The following MANBA variants were observed in gnomAD, a reference collection of about 807,000 sequenced individuals.
MANBA encodes the protein mannosidase beta.
Under a neutral mutation model 111.1 loss-of-function variants are expected in MANBA, and 83 were observed. The ratio of observed to expected loss-of-function variants is 0.75; its 90% CI spans 0.63 to 0.90. The LOEUF is 0.90. Ranked by LOEUF, MANBA falls within the 40% of genes least tolerant of loss-of-function variation. The pLI, the probability that MANBA is intolerant of heterozygous loss-of-function variation, is 0.00. For synonymous variants in MANBA, 370 were observed against 378.7 expected (o/e 0.98, Z 0.27); for missense variants, 1,036 against 1,069.0 (o/e 0.97, Z 0.43).
At chr4:102,635,125 G>A in intron 15 of MANBA, 80 bp from the exon 16 acceptor site, 1 of 1,508,004 alleles carries the variant, frequency 6.6e-7, no homozygotes, top group Non-Finnish European at 9.2e-7. Flanking sequence ...AATAATTGCT[G>A]AAAGTCAGGT....
rs76132779 is a variant in MANBA, at chr4:102,749,610, T to C, written c.177+11108A>G. Reference sequence around the variant, plus strand: ...GCAGCGTGCAATGGTGAAAAGAACATCGGGGTTTGAATCCTTGCTCCACCA... The same window carrying C: ...GCAGCGTGCAATGGTGAAAAGAACACCGGGGTTTGAATCCTTGCTCCACCA... On this transcript the variant is annotated intron_variant, in intron 1 of 16. Coordinates refer to ENST00000647097, the MANE Select transcript of MANBA (RefSeq NM_005908.4). 2.9e-3 allele frequency among the ~76,000 whole-genome samples: 436 copies of C among 152,314 alleles called. 1 individual carries two copies. Among genetic ancestry groups the C allele is most frequent in the Non-Finnish European group, 5.1e-3 (348 of 68,024 alleles).
intron 5 of MANBA, among the ~76,000 whole-genome samples, chr4:102,713,523 CTG>C (rs1410462630): frequency 6.6e-6 from 1 of 152,230 alleles, no homozygotes; most frequent in Non-Finnish European, 1.5e-5. Context: ...CCACTGACAT[CTG>C]TGAGATTTCT....
intron 5 of MANBA, among the ~76,000 whole-genome samples, chr4:102,692,663 A>G (rs1307367061): frequency 6.6e-6 from 1 of 152,114 alleles, no homozygotes; most frequent in African/African-American, 2.4e-5. Flanking sequence ...GCTGCCACAG[A>G]AAGAAAGGAG....
intron 5 of MANBA, among the ~76,000 whole-genome samples, chr4:102,712,923 T>C (rs544917663): frequency 6.6e-6 from 1 of 152,296 alleles, no homozygotes; most frequent in African/African-American, 2.4e-5. Context: ...TTATTTGATT[T>C]TAGTAGCGAA....
At chr4:102,748,194 G>A (rs1578958818) in intron 1 of MANBA, among the ~76,000 whole-genome samples, 1 of 152,134 alleles carries the variant, frequency 6.6e-6, no homozygotes, top group African/African-American at 2.4e-5. Flanking sequence ...TCTTTGTGAA[G>A]CTCAAAAAAC....
intron 11 of MANBA, among the ~76,000 whole-genome samples, chr4:102,662,307 C>T (rs1376851015): frequency 1.3e-5 from 2 of 151,830 alleles, no homozygotes; most frequent in Non-Finnish European, 2.9e-5. Context: ...TTTCGGAGGC[C>T]GAGGTGGGTG....
intron 5 of MANBA, among the ~76,000 whole-genome samples, chr4:102,712,146 T>C (rs1442283451): frequency 6.6e-6 from 1 of 152,216 alleles, no homozygotes; most frequent in African/African-American, 2.4e-5. Context: ...CATTACACAT[T>C]CTATGCATGT....
At chr4:102,634,436 T>C (rs1229266519) in intron 16 of MANBA, among the ~76,000 whole-genome samples, 1 of 152,102 alleles carries the variant, frequency 6.6e-6, no homozygotes, top group African/African-American at 2.4e-5. Flanking sequence ...GGAGCTGTGG[T>C]GAAAGTCAGA....
chr4:102,729,435 C>A, intron 1 of MANBA: 1 of 1,251,126 alleles, frequency 8.0e-7, no homozygotes. Flanking sequence ...TGTCCATGGG[C>A]AGCACCACAG....
chr4:102,752,157 T>C (rs1310628227), intron 1 of MANBA: 10 of 779,814 alleles, frequency 1.3e-5, no homozygotes, highest in Non-Finnish European at 1.9e-5. Flanking sequence ...AAGGAAGCAA[T>C]TTCCTCAGTT....
intron 1 of MANBA, among the ~76,000 whole-genome samples, chr4:102,733,289 G>A (rs973539351): frequency 6.6e-6 from 1 of 151,838 alleles, no homozygotes; most frequent in Non-Finnish European, 1.5e-5. Flanking sequence ...TCCACAAACA[G>A]GGCAGTTTTT....
intron 7 of MANBA, among the ~76,000 whole-genome samples, chr4:102,682,222 A>C (rs1732018702): frequency 6.6e-6 from 1 of 152,152 alleles, no homozygotes; most frequent in Non-Finnish European, 1.5e-5. Flanking sequence ...CTGGTAATAA[A>C]AATGTGCCAA....
rs540304058 is a variant in MANBA at position 102,754,785 on chromosome 4, C to T, written c.177+5933G>A. ...ATTAGCCAGGATGGTCTCGATCTCC[C>T]GACCTCGTGATCTGCCGCCTTGGCC... On this transcript the variant is annotated intron_variant, in intron 1 of 16. Coordinates refer to ENST00000647097, the MANE Select transcript of MANBA (RefSeq NM_005908.4). 8.5e-5 allele frequency among the ~76,000 whole-genome samples: 13 copies of T among 152,056 alleles called. 1 individual carries two copies. The highest frequency in any genetic ancestry group is 4.6e-4 in the Admixed American group (7 of 15,260).
intron 10 of MANBA, 105 bp downstream of exon 10, chr4:102,668,858 T>A (rs777455740): frequency 2.3e-5 from 20 of 878,396 alleles, no homozygotes; most frequent in Non-Finnish European, 3.3e-5. Flanking sequence ...TAATTTTTCA[T>A]GGGATTTAGT....
At chr4:102,717,871 C>T (rs1356104584) in intron 4 of MANBA, among the ~76,000 whole-genome samples, 1 of 152,174 alleles carries the variant, frequency 6.6e-6, no homozygotes, top group Non-Finnish European at 1.5e-5. Context: ...CAATGAGAAG[C>T]TGTTGAAGAG....
At chr4:102,706,624 A>C (rs1440370535) in intron 5 of MANBA, among the ~76,000 whole-genome samples, 1 of 152,200 alleles carries the variant, frequency 6.6e-6, no homozygotes, top group African/African-American at 2.4e-5. Context: ...AATGTATGAA[A>C]TCCCATATAA....
Position 102,647,565 on chromosome 4 carries a change from C to T in MANBA, c.1869+2972G>A, listed in dbSNP as rs532913375. ...CAATAGCAGAAAAGTCTCTTATACA[C>T]ACACACACACAAATAATAATCAGCC... On this transcript the variant is annotated intron_variant, in intron 13 of 16. Coordinates refer to ENST00000647097, the MANE Select transcript of MANBA (RefSeq NM_005908.4). Among the ~76,000 whole-genome samples, 10 of 152,078 alleles carry T rather than the reference C, an allele frequency of 6.6e-5. No homozygotes were observed. In the South Asian group the frequency reaches 2.1e-3, roughly 32 times the overall value.
chr4:102,660,574 G>C (rs1730889735), intron 11 of MANBA, among the ~76,000 whole-genome samples: 1 of 151,712 alleles, frequency 6.6e-6, no homozygotes, highest in Admixed American at 6.6e-5. Context: ...TCCCGCCTCA[G>C]CTTCCCAAGT....
intron 5 of MANBA, among the ~76,000 whole-genome samples, chr4:102,700,413 T>C (rs1732970905): frequency 6.6e-6 from 1 of 152,180 alleles, no homozygotes; most frequent in African/African-American, 2.4e-5. Context: ...TTCGAATGTG[T>C]TTGCTCTTGC....
Sources: gnomAD v4.1 joint callset for allele counts (sites outside exome capture counted in the v4.1 genomes callset) on GRCh38, gnomAD v4.1.1 for gene constraint, MANE v1.5 for transcripts, NCBI Gene and HGNC (gene_info 2026-07-23, HGNC 2026-07-21) for gene names.